The following DENND2B variants were observed in gnomAD, a reference collection of about 807,000 sequenced individuals.
DENND2B encodes the protein DENN domain-containing protein 2B.
In DENND2B, 32 loss-of-function variants were observed where a neutral mutation model predicts 116.0. That is an observed-to-expected ratio of 0.28 (90% confidence interval 0.21 to 0.37). DENND2B has a LOEUF of 0.37. Ranked by LOEUF, DENND2B falls within the 10% of genes least tolerant of loss-of-function variation. The probability of loss-of-function intolerance (pLI) is 1.00; values close to 1 mark genes in which losing one functional copy is unlikely to be tolerated. For synonymous variants in DENND2B, 588 were observed against 583.9 expected (o/e 1.01, Z -0.10); for missense variants, 1,276 against 1,477.7 (o/e 0.86, Z 2.24).
intron 1 of DENND2B, among the ~76,000 whole-genome samples, chr11:8,772,643 G>A (rs1465342119): frequency 2.0e-5 from 3 of 152,052 alleles, no homozygotes; most frequent in Non-Finnish European, 4.4e-5. Context: ...CAGAGACAGG[G>A]AAAGAAATTA....
In DENND2B at chr11:8,776,494, T is replaced by C. The variant is rs1309815361; in HGVS notation, c.-25-25769A>G. ...CTGACCGGTGGGAGGGGCTTCAACA[T>C]GAACTGCTCTGCTCACCTGAACCAT... is the stretch of plus-strand genomic sequence containing the variant. On this transcript the variant is annotated intron_variant, in intron 1 of 19. Transcript: ENST00000313726. 2.9e-5 allele frequency: 10 copies of C among 343,240 alleles called. No homozygotes were observed. In the East Asian group the frequency reaches 6.8e-4, roughly 23 times the overall value. 21.3% of individuals were successfully genotyped at this position (343,240 alleles called of 1,614,324 possible).
chr11:8,702,287 G>A lies in DENND2B; in HGVS notation c.2720+285C>T, dbSNP rs906999315. Reference sequence around the variant, plus strand: ...TTAACCTTTCCCCTTTACATATCCCGGCACCTGCACAGTCTTGGCTGTTGC... The same window carrying A: ...TTAACCTTTCCCCTTTACATATCCCAGCACCTGCACAGTCTTGGCTGTTGC... On this transcript the variant is annotated intron_variant, in intron 14 of 19. Transcript: ENST00000313726. This position sits in a 1 kb window ranked among gnomAD's most constrained non-coding sequence, Gnocchi z 4.6. Among the ~76,000 whole-genome samples, 2 of 151,988 alleles carry A rather than the reference G, an allele frequency of 1.3e-5. No individual in the cohort carries two copies. The highest frequency in any genetic ancestry group is 4.8e-5 in the African/African-American group (2 of 41,362).
chr11:8,847,316 C>G (rs541529195), intron 3 of DENND2B, among the ~76,000 whole-genome samples: 5 of 152,320 alleles, frequency 3.3e-5, no homozygotes, highest in African/African-American at 4.8e-5. Context: ...TACAAAGTCA[C>G]TTCCTAAAAT....
At chr11:8,714,146 C>A in intron 7 of DENND2B, 104 bp from the exon 8 acceptor site, 1 of 1,105,330 alleles carries the variant, frequency 9.0e-7, no homozygotes, top group South Asian at 1.3e-5. Flanking sequence ...TCTCTACCTT[C>A]TCTGGGCTAC....
intron 7 of DENND2B, 122 bp from the exon 8 acceptor site, chr11:8,714,164 CCATGGT>C: frequency 1.9e-6 from 2 of 1,032,128 alleles, no homozygotes; most frequent in Non-Finnish European, 3.0e-6. Flanking sequence ...TACTCTGGGC[CCATGGT>C]CAGGCATCTG....
At chr11:8,714,084 A>G in intron 7 of DENND2B, 42 bp from the exon 8 acceptor site, 1 of 1,610,296 alleles carries the variant, frequency 6.2e-7, no homozygotes, top group African/African-American at 1.3e-5. Context: ...TGGACCTCAC[A>G]GCCAATGTTT....
intron 1 of DENND2B, among the ~76,000 whole-genome samples, 197 bp from the exon 2 acceptor site, chr11:8,750,922 G>C (rs945881898): frequency 6.6e-6 from 1 of 152,214 alleles, no homozygotes; most frequent in Non-Finnish European, 1.5e-5. Context: ...ATACGGAGGA[G>C]TGTGAGCTAA....
chr11:8,710,461 A>G (rs1372671556), intron 11 of DENND2B, among the ~76,000 whole-genome samples: 2 of 152,058 alleles, frequency 1.3e-5, no homozygotes, highest in African/African-American at 4.8e-5. Context: ...AATCTGATGC[A>G]TATACACATA....
At chr11:8,791,765 CA>C (rs3055911) in intron 1 of DENND2B, among the ~76,000 whole-genome samples, 40,682 of 147,352 alleles carry the variant, frequency 0.28, 6,134 homozygotes, top group Middle Eastern at 0.43. Context: ...GACCCTATCT[CA>C]AAAAAAAAAA....
chr11:8,870,646 G>C (rs558702840), intron 2 of DENND2B, among the ~76,000 whole-genome samples: 2 of 151,712 alleles, frequency 1.3e-5, no homozygotes, highest in African/African-American at 2.4e-5. Context: ...AGGACGTCCC[G>C]AGATCGGGTC....
intron 1 of DENND2B, 61 bp from the exon 2 acceptor site, chr11:8,750,786 A>G (rs2052260268): frequency 6.7e-7 from 1 of 1,490,672 alleles, no homozygotes; most frequent in Non-Finnish European, 9.3e-7. Flanking sequence ...CACCTTGAAC[A>G]TCTTCCAGAT....
At chr11:8,753,329 CA>C (rs754212160) in intron 1 of DENND2B, among the ~76,000 whole-genome samples, 19 of 151,936 alleles carry the variant, frequency 1.3e-4, no homozygotes, top group Admixed American at 2.0e-4. Flanking sequence ...ACAATAGCAG[CA>C]AAAATAATAA....
At chr11:8,884,023 T>A (rs889020903) in intron 1 of DENND2B, among the ~76,000 whole-genome samples, 22 of 152,254 alleles carry the variant, frequency 1.4e-4, no homozygotes, top group African/African-American at 9.6e-5. Flanking sequence ...AATTTCTTTG[T>A]ATCTTAGTTG....
chr11:8,860,673 G>A (rs574719317), intron 2 of DENND2B, among the ~76,000 whole-genome samples: 6 of 151,972 alleles, frequency 3.9e-5, no homozygotes, highest in East Asian at 1.9e-4. Context: ...CATCATTTTC[G>A]AAAATATTAG....
intron 1 of DENND2B, chr11:8,776,138 ACGTGCGCG>A (rs2057615343): frequency 5.8e-5 from 10 of 172,430 alleles, no homozygotes; most frequent in Non-Finnish European, 1.3e-4. Context: ...ACAGACACGC[ACGTGCGCG>A]CACGCGCGCG....
chr11:8,805,966 C>G (rs1485029579), intron 1 of DENND2B, among the ~76,000 whole-genome samples: 1 of 152,148 alleles, frequency 6.6e-6, no homozygotes, highest in Non-Finnish European at 1.5e-5. Flanking sequence ...TGCCAGCCAC[C>G]CCTACCCCCT....
intron 1 of DENND2B, chr11:8,776,141 T>TGC (rs1239818737): frequency 7.4e-5 from 13 of 176,298 alleles, no homozygotes; most frequent in Non-Finnish European, 5.0e-5. Flanking sequence ...GACACGCACG[T>TGC]GCGCGCACGC....
At chr11:8,876,192 C>T (rs1206568097), upstream of DENND2B, among the ~76,000 whole-genome samples, 2 of 152,026 alleles carry the variant, frequency 1.3e-5, no homozygotes, top group Non-Finnish European at 2.9e-5. Context: ...TCAAGACCAG[C>T]CTGGGCAACA....
chr11:8,696,395 A>G (rs772171480), intron 18 of DENND2B, 32 bp downstream of exon 18: 5 of 1,609,764 alleles, frequency 3.1e-6, no homozygotes, highest in Non-Finnish European at 2.5e-6. Flanking sequence ...GGGTGAAAAA[A>G]TTAGAGAAGA....
Sources: allele counts gnomAD v4.1 joint callset (sites outside exome capture counted in the v4.1 genomes callset), GRCh38; gene constraint gnomAD v4.1.1; non-coding constraint Gnocchi (gnomAD v3.1); transcripts MANE v1.5; gene names NCBI Gene and HGNC (gene_info 2026-07-23, HGNC 2026-07-21).